Variants in ABAT observed in about 807,000 individuals in gnomAD.
The protein encoded by ABAT is 4-aminobutyrate aminotransferase, mitochondrial.
In ABAT, 45 loss-of-function variants were observed where a neutral mutation model predicts 64.6. The observed-to-expected ratio is 0.70, with a 90% CI of 0.55 to 0.89. ABAT has a LOEUF of 0.89. Ranked by LOEUF, ABAT falls within the 40% of genes least tolerant of loss-of-function variation. The pLI, the probability that ABAT is intolerant of heterozygous loss-of-function variation, is 0.00. For missense variants in ABAT, 633 were observed against 658.4 expected (o/e 0.96, Z 0.42); for synonymous variants, 297 against 250.5 (o/e 1.19, Z -1.75).
chr16:8,774,055 A>G (rs899136483), intron 12 of ABAT, among the ~76,000 whole-genome samples: 2 of 152,102 alleles, frequency 1.3e-5, no homozygotes, highest in African/African-American at 4.8e-5. Flanking sequence ...CAGTCTCCCA[A>G]GTAGCTGAGA....
chr16:8,732,971 G>A (rs1343214674), intron 1 of ABAT, among the ~76,000 whole-genome samples: 17 of 146,280 alleles, frequency 1.2e-4, no homozygotes, highest in East Asian at 4.0e-4. Context: ...CTGGCCGGGC[G>A]GGGGGCTGAT....
intron 1 of ABAT, among the ~76,000 whole-genome samples, chr16:8,718,985 G>A (rs1010639378): frequency 6.6e-6 from 1 of 152,222 alleles, no homozygotes; most frequent in Admixed American, 6.5e-5. Flanking sequence ...GTTATACGCT[G>A]TGATTTTTGC....
In ABAT at chr16:8,735,765, G is replaced by T; in HGVS notation, c.26G>T (p.Arg9Leu). 1 of 1,607,348 alleles carries T rather than the reference G, an allele frequency of 6.2e-7. No homozygotes were observed. Among genetic ancestry groups the T allele is most frequent in the Non-Finnish European group, 8.5e-7 (1 of 1,177,228 alleles). Residue 9 changes from arginine (R) to leucine (L), a missense_variant, in exon 2 of 16, where the codon CGC becomes CTC. By Grantham distance (102) the Arg-to-Leu change is moderately radical. Transcript: ENST00000268251. Reference sequence around the variant, plus strand: ...ATGGCCTCCATGTTGCTCGCCCAGCGCCTGGCCTGCAGCTTCCAGCACAGC... The same window carrying T: ...ATGGCCTCCATGTTGCTCGCCCAGCTCCTGGCCTGCAGCTTCCAGCACAGC... MASMLLAQ[R>L]LACSFQHSYR...
intron 1 of ABAT, among the ~76,000 whole-genome samples, chr16:8,710,126 G>A (rs1263552480): frequency 6.6e-6 from 1 of 152,056 alleles, no homozygotes. Context: ...TAACCTTTGT[G>A]TGCCTCCACT....
chr16:8,718,814 C>A (rs1381934337), intron 1 of ABAT, among the ~76,000 whole-genome samples: 1 of 152,222 alleles, frequency 6.6e-6, no homozygotes. Context: ...TACCTGCACA[C>A]ACAGGCATAA....
At chr16:8,770,365 C>T (rs910419841) in intron 11 of ABAT, among the ~76,000 whole-genome samples, 3 of 152,114 alleles carry the variant, frequency 2.0e-5, no homozygotes, top group East Asian at 1.9e-4. Flanking sequence ...TCTCGATCTC[C>T]TGACCTTGTG....
intron 2 of ABAT, among the ~76,000 whole-genome samples, chr16:8,744,338 A>C (rs1360542980): frequency 1.3e-5 from 2 of 151,992 alleles, no homozygotes; most frequent in Non-Finnish European, 2.9e-5. Context: ...TGGTAGGAAT[A>C]GGAGCAAGAG....
At chr16:8,711,461 A>T (rs991622346) in intron 1 of ABAT, among the ~76,000 whole-genome samples, 3 of 152,180 alleles carry the variant, frequency 2.0e-5, no homozygotes, top group Non-Finnish European at 4.4e-5. Flanking sequence ...AGATTTCTTG[A>T]GTTTCTGGCT....
intron 12 of ABAT, 105 bp downstream of exon 12, chr16:8,773,022 C>G: frequency 6.7e-7 from 1 of 1,500,076 alleles, no homozygotes; most frequent in Non-Finnish European, 9.2e-7. Context: ...CTGTCAATCT[C>G]CAGACTTGCA....
intron 5 of ABAT, among the ~76,000 whole-genome samples, chr16:8,754,508 G>C (rs2059586742): frequency 6.6e-6 from 1 of 152,148 alleles, no homozygotes; most frequent in Non-Finnish European, 1.5e-5. Context: ...AATTCAGCAG[G>C]AGTTAGTGTG....
Position 8,783,899 on chromosome 16 carries a change from T to C in ABAT, c.*2469T>C, listed in dbSNP as rs2143011765. The stretch of plus-strand genomic sequence containing the variant: ...TTTACTCCTTACCAAGGGAAGTTAC[T>C]TCTTGTAAAAACTTTTAAGCCATTT... On this transcript the variant is annotated 3_prime_UTR_variant, in exon 16 of 16. Coordinates refer to ENST00000268251, the MANE Select transcript of ABAT (RefSeq NM_020686.6). The C allele has an allele frequency of 6.6e-6, 1 of 152,376 alleles. No individual in the cohort carries two copies. The highest frequency in any genetic ancestry group is 2.4e-5 in the African/African-American group (1 of 41,588). 9.4% of individuals were successfully genotyped at this position (152,376 alleles called of 1,614,324 possible). A position where few individuals can be genotyped will look rare whatever the true frequency, so the allele number is the denominator to read the frequency against.
intron 1 of ABAT, among the ~76,000 whole-genome samples, chr16:8,688,104 A>T (rs1299110834): frequency 6.6e-6 from 1 of 151,752 alleles, no homozygotes. Flanking sequence ...AGGTCTTGCT[A>T]TGTTGCCAAG....
chr16:8,723,009 G>T (rs926550078), intron 1 of ABAT, among the ~76,000 whole-genome samples: 7 of 152,192 alleles, frequency 4.6e-5, no homozygotes, highest in Admixed American at 4.6e-4. Flanking sequence ...GAGGCCGAGG[G>T]ATCACTTGAG....
rs190731337 is a variant in ABAT at position 8,746,147 on chromosome 16, G to A, written c.168+49G>A. On this transcript the variant is annotated intron_variant, in intron 3 of 15. Transcript: ENST00000268251. The stretch of plus-strand genomic sequence containing the variant: ...GGTATTTTGGAAAAGGGAAAAAGGC[G>A]CCTAAGAAGCAAAAGCACAGCCAAG... 3.9e-4 allele frequency: 560 copies of A among 1,448,362 alleles called. 4 individuals carry two copies. The East Asian group carries it at 9.8e-3, about 25-fold the overall frequency. 89.7% of individuals were successfully genotyped at this position (1,448,362 alleles called of 1,614,324 possible). A position where few individuals can be genotyped will look rare whatever the true frequency, so the allele number is the denominator to read the frequency against.
intron 1 of ABAT, among the ~76,000 whole-genome samples, chr16:8,678,745 T>C (rs1264204937): frequency 5.9e-5 from 9 of 152,224 alleles, no homozygotes; most frequent in Non-Finnish European, 1.3e-4. Context: ...TTACAGTATA[T>C]GCATTCATGT....
intron 2 of ABAT, among the ~76,000 whole-genome samples, chr16:8,740,536 T>C (rs550137651): frequency 1.2e-3 from 182 of 152,292 alleles, no homozygotes; most frequent in Non-Finnish European, 5.7e-4. Flanking sequence ...ATGTGGCAAC[T>C]GCTCCCTCAA....
intron 1 of ABAT, among the ~76,000 whole-genome samples, chr16:8,677,911 C>T (rs76075156): frequency 0.075 from 11,406 of 151,906 alleles, 573 homozygotes; most frequent in Admixed American, 0.13. Context: ...AAAAAAAAAT[C>T]AGCTGGTCAT....
intron 1 of ABAT, among the ~76,000 whole-genome samples, chr16:8,682,865 T>C (rs2057367981): frequency 6.6e-6 from 1 of 152,226 alleles, no homozygotes; most frequent in Non-Finnish European, 1.5e-5. Flanking sequence ...CACCCAGAAC[T>C]ACAGAATGTG....
At chr16:8,743,318 C>CTGTGTGTG (rs56100974) in intron 2 of ABAT, among the ~76,000 whole-genome samples, 106 of 142,612 alleles carry the variant, frequency 7.4e-4, no homozygotes, top group African/African-American at 2.7e-3. Context: ...ATGTGTGTCT[C>CTGTGTGTG]TGTGTGTGTG....
Sources: gnomAD v4.1 joint callset for allele counts (sites outside exome capture counted in the v4.1 genomes callset) on GRCh38, gnomAD v4.1.1 for gene constraint, MANE v1.5 for transcripts, NCBI Gene and HGNC (gene_info 2026-07-23, HGNC 2026-07-21) for gene names.